PTK2B: variants seen among roughly 807,000 people sequenced by gnomAD.
PTK2B encodes the protein protein tyrosine kinase 2 beta.
Under a neutral mutation model 142.9 loss-of-function variants are expected in PTK2B, and 71 were observed. The ratio of observed to expected loss-of-function variants is 0.50; its 90% confidence interval spans 0.41 to 0.61. The LOEUF is 0.61. Among genes scored for constraint, PTK2B ranks in the 20% least tolerant of loss-of-function variants. The pLI is 0.00. For missense variants in PTK2B, 1,105 were observed against 1,320.4 expected (o/e 0.84, Z 2.53); for synonymous variants, 519 against 503.4 (o/e 1.03, Z -0.42).
chr8:27,348,379 G>A (rs1023113117), intron 1 of PTK2B, among the ~76,000 whole-genome samples: 2 of 152,074 alleles, frequency 1.3e-5, no homozygotes, highest in African/African-American at 4.8e-5. Context: ...AAGACCCCTC[G>A]GTCAAAGTAA....
At chr8:27,317,799 T>C (rs1803126117) in intron 3 of PTK2B, among the ~76,000 whole-genome samples, 1 of 152,188 alleles carries the variant, frequency 6.6e-6, no homozygotes, top group Non-Finnish European at 1.5e-5. Context: ...TTCGACCTCT[T>C]GTTTAGATCA....
chr8:27,355,136 G>A (rs761918873), intron 1 of PTK2B, among the ~76,000 whole-genome samples: 7 of 152,288 alleles, frequency 4.6e-5, no homozygotes, highest in African/African-American at 7.2e-5. Context: ...GAACTTGTGC[G>A]TGTGCTACCT....
Position 27,440,358 on chromosome 8 carries a change from G to A in PTK2B, c.1956G>A (p.Pro652=), listed in dbSNP as rs147029499. ...TGCCCAAGCCTGATCTCTGTCCACC[G>A]GTCCTTTATACCCTCATGACCCGCT... ...DRLPKPDLCP[P]VLYTLMTRCW... Residue 652 remains proline, a synonymous_variant, in exon 21 of 31, where the codon CCG becomes CCA. Coordinates refer to ENST00000346049, the MANE Select transcript of PTK2B (RefSeq NM_173176.3). The A allele has an allele frequency of 5.0e-5, 80 of 1,614,212 alleles. 1 individual carries two copies. Among genetic ancestry groups the A allele is most frequent in the Middle Eastern group, 3.3e-4 (2 of 6,060 alleles).
intron 5 of PTK2B, among the ~76,000 whole-genome samples, chr8:27,424,393 G>A (rs939542207): frequency 6.6e-6 from 1 of 152,214 alleles, no homozygotes; most frequent in African/African-American, 2.4e-5. Context: ...CTTGTCAAGA[G>A]TGTAACTGCT....
chr8:27,372,815 G>A (rs1437553673), intron 1 of PTK2B, among the ~76,000 whole-genome samples: 2 of 152,140 alleles, frequency 1.3e-5, no homozygotes, highest in East Asian at 3.9e-4. Flanking sequence ...TAGTGGTCCT[G>A]GAACTTGATC....
upstream of PTK2B, among the ~76,000 whole-genome samples, chr8:27,323,109 A>T (rs757459126): frequency 1.2e-4 from 18 of 152,252 alleles, no homozygotes; most frequent in Non-Finnish European, 2.4e-4. Flanking sequence ...AGAAAAGAGA[A>T]CCTGAACCAG....
intron 1 of PTK2B, among the ~76,000 whole-genome samples, chr8:27,334,386 C>A (rs996565080): frequency 6.6e-6 from 1 of 152,162 alleles, no homozygotes; most frequent in Non-Finnish European, 1.5e-5. Flanking sequence ...CAGTCTCTGG[C>A]AAGCCTCTGC....
chr8:27,414,253 CTT>C (rs71553858), intron 2 of PTK2B, among the ~76,000 whole-genome samples: 18 of 149,168 alleles, frequency 1.2e-4, no homozygotes, highest in South Asian at 2.1e-4. Flanking sequence ...ACTGCTTCTT[CTT>C]TTTTTTTTTG....
chr8:27,395,425 C>T (rs1399029083), intron 1 of PTK2B, among the ~76,000 whole-genome samples: 1 of 152,124 alleles, frequency 6.6e-6, no homozygotes, highest in East Asian at 1.9e-4. Flanking sequence ...GTATATTTGC[C>T]TGTTGTCTCT....
intron 11 of PTK2B, 72 bp from the exon 12 acceptor site, chr8:27,434,021 T>G: frequency 6.6e-7 from 1 of 1,525,464 alleles, no homozygotes; most frequent in Non-Finnish European, 9.1e-7. Flanking sequence ...GTAGGAATAG[T>G]GAGGAGGTCA....
chr8:27,314,482 C>A (rs556479901), intron 3 of PTK2B, among the ~76,000 whole-genome samples: 2 of 152,338 alleles, frequency 1.3e-5, no homozygotes, highest in African/African-American at 4.8e-5. Flanking sequence ...AAAATAGGGT[C>A]TGGAGGCAGG....
intron 1 of PTK2B, among the ~76,000 whole-genome samples, chr8:27,335,528 G>T (rs950195817): frequency 6.6e-6 from 1 of 151,120 alleles, no homozygotes; most frequent in South Asian, 2.1e-4. Flanking sequence ...GTAGGCGGAG[G>T]TTGCAGTGAG....
chr8:27,433,598 A>G (rs1216347928), intron 11 of PTK2B, 46 bp downstream of exon 11: 2 of 1,496,380 alleles, frequency 1.3e-6, no homozygotes, highest in Non-Finnish European at 1.9e-6. Flanking sequence ...GGGTGGCAGC[A>G]CACCCGAGTC....
At chr8:27,317,256 A>AG (rs1305843865) in intron 3 of PTK2B, among the ~76,000 whole-genome samples, 1 of 152,222 alleles carries the variant, frequency 6.6e-6, no homozygotes, top group Non-Finnish European at 1.5e-5. Flanking sequence ...ATCACTGGCA[A>AG]GGGGAATAAG....
Position 27,430,971 on chromosome 8 carries a change from C to T in PTK2B, c.765C>T (p.Ala255=), listed in dbSNP as rs754539892. Residue 255 remains alanine (A), a synonymous_variant, in exon 8 of 31, where the codon GCC becomes GCT. Transcript: ENST00000346049. ...ECVMKFFNTL[A]GFANIDQETY... The stretch of plus-strand genomic sequence containing the variant: ...TCATGAAGTTCTTCAACACTCTCGC[C>T]GGCTTCGCCAACATCGACCAGGAGA... 17 of 1,614,056 alleles carry T rather than the reference C, an allele frequency of 1.1e-5. No homozygotes were observed. The highest frequency in any genetic ancestry group is 2.2e-5 in the East Asian group (1 of 44,892).
chr8:27,313,476 A>G (rs1489182711), intron 3 of PTK2B, among the ~76,000 whole-genome samples: 1 of 152,226 alleles, frequency 6.6e-6, no homozygotes, highest in Non-Finnish European at 1.5e-5. Flanking sequence ...AAGAGACCCA[A>G]GCGGGCAACT....
intron 2 of PTK2B, among the ~76,000 whole-genome samples, chr8:27,405,069 T>TCTCTC (rs1470616137): frequency 6.3e-5 from 9 of 143,976 alleles, no homozygotes; most frequent in South Asian, 2.2e-4. Context: ...TCTCTCTCTC[T>TCTCTC]TAGCCATGTG....
intron 2 of PTK2B, among the ~76,000 whole-genome samples, chr8:27,411,882 A>G (rs1257250125): frequency 6.6e-6 from 1 of 152,190 alleles, no homozygotes; most frequent in Non-Finnish European, 1.5e-5. Flanking sequence ...CCAATTGGCT[A>G]CAAGTTTGGG....
chr8:27,447,822 G>T (rs1219272581), intron 24 of PTK2B, among the ~76,000 whole-genome samples: 2 of 152,160 alleles, frequency 1.3e-5, no homozygotes, highest in African/African-American at 4.8e-5. Flanking sequence ...TCACGCCACT[G>T]CACTCCAACC....
Sources: gnomAD v4.1 joint callset for allele counts (sites outside exome capture counted in the v4.1 genomes callset) on GRCh38, gnomAD v4.1.1 for gene constraint, MANE v1.5 for transcripts, NCBI Gene and HGNC (gene_info 2026-07-23, HGNC 2026-07-21) for gene names.